The following NECTIN3 variants were observed in gnomAD, a reference collection of about 807,000 sequenced individuals.
NECTIN3 encodes the protein nectin cell adhesion molecule 3, also known as nectin-3.
A neutral mutation model predicts 49.4 loss-of-function variants in NECTIN3; 8 were observed. The ratio of observed to expected loss-of-function variants is 0.16; its 90% CI spans 0.10 to 0.29. The LOEUF (loss-of-function observed/expected upper bound fraction) is 0.29, where lower values mean the gene tolerates loss of function less well. Among genes scored for constraint, NECTIN3 ranks in the 10% least tolerant of loss-of-function variants. The probability of loss-of-function intolerance (pLI) is 1.00; values close to 1 mark genes in which losing one functional copy is unlikely to be tolerated. For synonymous variants in NECTIN3, 277 were observed against 241.1 expected (o/e 1.15, Z -1.38); for missense variants, 581 against 654.6 (o/e 0.89, Z 1.23).
At chr3:111,143,487 C>G (rs1380671658) in intron 5 of NECTIN3, among the ~76,000 whole-genome samples, 1 of 151,742 alleles carries the variant, frequency 6.6e-6, no homozygotes, top group East Asian at 1.9e-4. Flanking sequence ...GTAAAACATT[C>G]TTTTTGGCAA....
At chr3:111,083,784 A>G (rs1414495568) in intron 1 of NECTIN3, among the ~76,000 whole-genome samples, 1 of 152,196 alleles carries the variant, frequency 6.6e-6, no homozygotes, top group Non-Finnish European at 1.5e-5. Context: ...TATATCCAGA[A>G]CCATAGCTAA....
intron 1 of NECTIN3, among the ~76,000 whole-genome samples, chr3:111,091,176 T>G (rs958667631): frequency 6.6e-5 from 10 of 152,178 alleles, no homozygotes; most frequent in African/African-American, 2.4e-4. Context: ...AATTTACTTC[T>G]TTGTCTTTAA....
intron 1 of NECTIN3, among the ~76,000 whole-genome samples, chr3:111,085,958 A>G (rs576999171): frequency 3.3e-5 from 5 of 152,304 alleles, no homozygotes; most frequent in East Asian, 3.9e-4. Context: ...CAATTGCTCT[A>G]CATTCTCACT....
chr3:111,190,649 G>A (rs2035798596), upstream of NECTIN3, among the ~76,000 whole-genome samples: 1 of 152,110 alleles, frequency 6.6e-6, no homozygotes, highest in Non-Finnish European at 1.5e-5. Context: ...TCCCTTATAA[G>A]GGCACTAATC....
chr3:111,093,160 C>T (rs1039159667), intron 1 of NECTIN3, among the ~76,000 whole-genome samples: 4 of 152,114 alleles, frequency 2.6e-5, no homozygotes, highest in Non-Finnish European at 4.4e-5. Flanking sequence ...ACCTGATGAA[C>T]TGTTTTATTA....
downstream of NECTIN3, among the ~76,000 whole-genome samples, chr3:111,141,170 G>A (rs1156600722): frequency 6.6e-6 from 1 of 151,886 alleles, no homozygotes; most frequent in South Asian, 2.1e-4. Context: ...GGATATAAAA[G>A]CTAATAAGTC....
intron 4 of NECTIN3, among the ~76,000 whole-genome samples, chr3:111,124,523 A>G (rs979773716): frequency 4.6e-4 from 70 of 152,340 alleles, no homozygotes; most frequent in African/African-American, 1.6e-3. Context: ...CCTTGTAGAA[A>G]GTTTATCTTT....
In NECTIN3 at chr3:111,137,515, A is replaced by G. The variant is rs1384433301; in HGVS notation, c.*3300A>G. 3.2e-6 allele frequency: 3 copies of G among 931,184 alleles called. No individual in the cohort carries two copies. The highest frequency in any genetic ancestry group is 3.7e-6 in the Non-Finnish European group (3 of 801,210). The allele number at this position is 931,184 out of a possible 1,614,324, so 57.7% of individuals were successfully genotyped here. A position where few individuals can be genotyped will look rare whatever the true frequency, so the allele number is the denominator to read the frequency against. ...GTATTAGGTGTTAGCCCCAATAGCC[A>G]TGCATGAAATCTTTAAATAAAAGTT... On this transcript the variant is annotated 3_prime_UTR_variant, in exon 6 of 6. Transcript: ENST00000485303.
intron 7 of NECTIN3, among the ~76,000 whole-genome samples, chr3:111,153,069 C>G (rs922586882): frequency 4.6e-5 from 7 of 151,864 alleles, no homozygotes; most frequent in African/African-American, 1.7e-4. Flanking sequence ...GAAGAGTTAA[C>G]ATTTTTTTCC....
At chr3:111,089,442 C>CATATTATGTATATGTTT (rs1553718427) in intron 1 of NECTIN3, among the ~76,000 whole-genome samples, 13 of 149,806 alleles carry the variant, frequency 8.7e-5, no homozygotes, top group Admixed American at 3.3e-4. Context: ...TGTATATAAA[C>CATATTATGTATATGTTT]ATATACATAC....
At position 111,126,230 on chromosome 3, in the gene NECTIN3, C is replaced by T; in HGVS notation, c.964C>T (p.Leu322Phe). ...TGGTTTATTGGCTTCAGACAATACT[C>T]TTCATTTTGTCCATCCATTGACTTT... ...PDGLLASDNT[L>F]HFVHPLTFNY... Residue 322 changes from leucine (L) to phenylalanine (F), a missense_variant, in exon 5 of 6, where the codon CTT (leucine) becomes TTT (phenylalanine). Around this residue, in one of 3 missense-constraint regions of NECTIN3, gnomAD observed 234 missense variants for 340.6 expected, o/e 0.69. Transcript: ENST00000485303. The T allele has an allele frequency of 6.2e-7, 1 of 1,609,116 alleles. No homozygotes were observed. Among genetic ancestry groups the T allele is most frequent in the Non-Finnish European group, 8.5e-7 (1 of 1,178,530 alleles).
chr3:111,087,020 A>G (rs1250902044), intron 1 of NECTIN3, among the ~76,000 whole-genome samples: 1 of 152,130 alleles, frequency 6.6e-6, no homozygotes, highest in Admixed American at 6.5e-5. Context: ...TATAAATAAT[A>G]TTTATAAAAT....
At chr3:111,192,605 A>G (rs1196401789) in intron 1 of NECTIN3, among the ~76,000 whole-genome samples, 2 of 152,218 alleles carry the variant, frequency 1.3e-5, no homozygotes, top group Non-Finnish European at 2.9e-5. Context: ...AACGGGCAGA[A>G]GAGTCTGTCC....
chr3:111,103,255 TATTCAAGAACATGAAATATCTCCCC>T (rs1270081300), intron 1 of NECTIN3, among the ~76,000 whole-genome samples: 1 of 152,186 alleles, frequency 6.6e-6, no homozygotes, highest in Non-Finnish European at 1.5e-5. Context: ...TGAGTCTTCC[TATTCAAGAACATGAAATATCTCCCC>T]ATTTACTTAG....
chr3:111,098,597 T>TTGG (rs2107413489), intron 1 of NECTIN3, among the ~76,000 whole-genome samples: 1 of 152,332 alleles, frequency 6.6e-6, no homozygotes, highest in East Asian at 1.9e-4. Context: ...TCTACCTGGA[T>TTGG]AATCCAGTGT....
At chr3:111,103,604 AAAT>A (rs1168367291) in intron 1 of NECTIN3, among the ~76,000 whole-genome samples, 1 of 151,984 alleles carries the variant, frequency 6.6e-6, no homozygotes, top group Non-Finnish European at 1.5e-5. Context: ...AGAAAGGAAG[AAAT>A]AAAACTTCCT....
chr3:111,133,530 A>G, intron 5 of NECTIN3, 105 bp from the exon 6 acceptor site: 2 of 1,398,920 alleles, frequency 1.4e-6, no homozygotes, highest in African/African-American at 1.5e-5. Flanking sequence ...GTTACTATGA[A>G]TATATATTCA....
intron 1 of NECTIN3, chr3:111,072,476 A>G: frequency 6.5e-7 from 1 of 1,535,634 alleles, no homozygotes. Flanking sequence ...TGCTCCGGGG[A>G]CCGTTACTTC....
At chr3:111,125,792 G>A (rs897117026) in intron 4 of NECTIN3, among the ~76,000 whole-genome samples, 1 of 152,132 alleles carries the variant, frequency 6.6e-6, no homozygotes, top group Non-Finnish European at 1.5e-5. Flanking sequence ...GAAAATTGTA[G>A]ATATGTCATG....
Sources: allele counts gnomAD v4.1 joint callset (sites outside exome capture counted in the v4.1 genomes callset), GRCh38; gene constraint gnomAD v4.1.1; regional missense constraint gnomAD v4.1.1; transcripts MANE v1.5; gene names NCBI Gene and HGNC (gene_info 2026-07-23, HGNC 2026-07-21).